The following RHCG variants were observed in gnomAD, a reference collection of about 807,000 sequenced individuals.
The protein encoded by RHCG is Rh family C glycoprotein, also known as ammonium transporter Rh type C.
Under a neutral mutation model 55.3 loss-of-function variants are expected in RHCG, and 39 were observed. That is an observed-to-expected ratio of 0.70 (90% CI 0.55 to 0.92). RHCG has a LOEUF of 0.92. RHCG is among the 40% of genes least tolerant of loss of function. The pLI is 0.00. For missense variants in RHCG, 635 were observed against 627.9 expected (o/e 1.01, Z -0.12); for synonymous variants, 250 against 246.8 (o/e 1.01, Z -0.12).
At chr15:89,483,492 G>C (rs554070988) in intron 2 of RHCG, among the ~76,000 whole-genome samples, 1 of 152,164 alleles carries the variant, frequency 6.6e-6, no homozygotes, top group South Asian at 2.1e-4. Context: ...TTGGGCTCAG[G>C]GCACCATGTG....
chr15:89,480,184 C>T, intron 4 of RHCG, 77 bp downstream of exon 4: 9 of 1,578,632 alleles, frequency 5.7e-6, no homozygotes, highest in South Asian at 4.5e-5. Context: ...GTGGCCTTCA[C>T]CCATCATGGC....
Position 89,477,730 on chromosome 15 carries a change from A to G in RHCG, c.976-77T>C, listed in dbSNP as rs990176542. On this transcript the variant is annotated intron_variant, in intron 6 of 10. Transcript: ENST00000268122. The surrounding 1 kb of genome is among the most constrained non-coding windows in gnomAD (Gnocchi z 4.5). ...GGGGAGGCCGGGATTCCAGAGACCC[A>G]GGATTCTCTAGCCCTCAGCCCCCTC... The G allele has an allele frequency of 3.1e-6, 5 of 1,603,476 alleles. No individual in the cohort carries two copies. The highest frequency in any genetic ancestry group is 2.7e-5 in the African/African-American group (2 of 74,662).
chr15:89,479,800 C>G, intron 4 of RHCG: 1 of 416,768 alleles, frequency 2.4e-6, no homozygotes. Context: ...CTCCACATGG[C>G]ACTGCTTTCT....
At chr15:89,476,011 C>T (rs1313209111) in intron 9 of RHCG, among the ~76,000 whole-genome samples, 13 of 132,984 alleles carry the variant, frequency 9.8e-5, no homozygotes, top group African/African-American at 4.6e-4. Context: ...CTCTTGCTCT[C>T]GCTCTCTCTC....
intron 3 of RHCG, 118 bp downstream of exon 3, chr15:89,482,949 G>A (rs893524853): frequency 3.9e-6 from 4 of 1,022,322 alleles, no homozygotes; most frequent in East Asian, 2.6e-5. Context: ...ACTGAGTGAC[G>A]TTCAGGAAGT....
intron 2 of RHCG, 73 bp from the exon 3 acceptor site, chr15:89,483,290 C>A: frequency 2.2e-6 from 3 of 1,387,000 alleles, no homozygotes; most frequent in South Asian, 3.2e-5. Context: ...GGACTTTGGT[C>A]ATATATGGAT....
intron 9 of RHCG, among the ~76,000 whole-genome samples, chr15:89,473,115 G>A (rs1486091180): frequency 6.6e-6 from 1 of 152,230 alleles, no homozygotes; most frequent in Non-Finnish European, 1.5e-5. Context: ...GAGCAATGGT[G>A]AGGCATTGCA....
chr15:89,471,711 C>T lies in RHCG; in HGVS notation c.*169G>A. The T allele has an allele frequency of 6.5e-6, 1 of 153,042 alleles. No homozygotes were observed. Among genetic ancestry groups the T allele is most frequent in the Non-Finnish European group, 1.5e-5 (1 of 68,220 alleles). The allele number at this position is 153,042 out of a possible 1,614,324, so 9.5% of individuals were successfully genotyped here. On this transcript the variant is annotated 3_prime_UTR_variant, in exon 11 of 11. Transcript: ENST00000268122. The stretch of plus-strand genomic sequence containing the variant: ...TTTGTAGCTTCTCCTTCTCCATTCT[C>T]AGTCAGACCCCCTGGGATGAAGGGG...
At chr15:89,485,877 G>A (rs575066838) in intron 2 of RHCG, among the ~76,000 whole-genome samples, 7 of 152,346 alleles carry the variant, frequency 4.6e-5, no homozygotes, top group African/African-American at 1.7e-4. Flanking sequence ...ATGGGATAGA[G>A]AGTTTGATAA....
rs981310614 is a variant in RHCG at position 89,477,294 on chromosome 15, C to G, written c.1113-88G>C. 1.3e-5 allele frequency: 20 copies of G among 1,552,662 alleles called. No individual in the cohort carries two copies. Among genetic ancestry groups the G allele is most frequent in the Non-Finnish European group, 1.6e-5 (18 of 1,136,526 alleles). On this transcript the variant is annotated intron_variant, in intron 7 of 10. Transcript: ENST00000268122. The surrounding 1 kb of genome is among the most constrained non-coding windows in gnomAD (Gnocchi z 4.5). ...ACCCCAAAAATGTGACCGGGTACCA[C>G]GGGCCTCAGCCTTCCCACCCACAAC...
chr15:89,472,139 A>G (rs1320106355), intron 10 of RHCG, among the ~76,000 whole-genome samples: 3 of 152,216 alleles, frequency 2.0e-5, no homozygotes, highest in African/African-American at 2.4e-5. Flanking sequence ...GTGATCTTGA[A>G]GAACCTGAAC....
intron 3 of RHCG, among the ~76,000 whole-genome samples, chr15:89,481,189 C>T (rs1420770354): frequency 2.0e-5 from 3 of 152,212 alleles, no homozygotes; most frequent in Non-Finnish European, 4.4e-5. Flanking sequence ...GTGGCTCATG[C>T]CTGTAATCCC....
intron 8 of RHCG, 44 bp from the exon 9 acceptor site, chr15:89,476,872 C>T (rs771337130): frequency 8.3e-6 from 13 of 1,575,166 alleles, no homozygotes; most frequent in Non-Finnish European, 9.6e-6. Context: ...AGTGCCTTCT[C>T]TCTGCTCACC....
At chr15:89,494,898 C>A (rs1961538722) in intron 1 of RHCG, among the ~76,000 whole-genome samples, 2 of 151,912 alleles carry the variant, frequency 1.3e-5, no homozygotes, top group Non-Finnish European at 2.9e-5. Context: ...GCTCTGGGGT[C>A]AAGTGGGAAG....
chr15:89,482,379 T>A (rs1961283579), intron 3 of RHCG, among the ~76,000 whole-genome samples: 1 of 151,846 alleles, frequency 6.6e-6, no homozygotes, highest in South Asian at 2.1e-4. Context: ...CTGAAAAAAA[T>A]TACAAAATGA....
intron 1 of RHCG, among the ~76,000 whole-genome samples, chr15:89,488,775 G>T (rs541955776): frequency 1.7e-5 from 1 of 60,272 alleles, no homozygotes; most frequent in Admixed American, 1.7e-4. Flanking sequence ...TGGGAGAATG[G>T]GGGGGGGGGA....
Position 89,477,461 on chromosome 15 carries a change from A to G in RHCG, c.1112+56T>C. On this transcript the variant is annotated intron_variant, in intron 7 of 10. Transcript: ENST00000268122. This position sits in a 1 kb window ranked among gnomAD's most constrained non-coding sequence, Gnocchi z 4.5. ...GGGTCCCAGAGGAATAGCAGGAAGAAGGGATGGGAGAAGGAAGGGGGAAGC... is the reference window on the plus strand; with the variant it reads ...GGGTCCCAGAGGAATAGCAGGAAGAGGGGATGGGAGAAGGAAGGGGGAAGC... The G allele has an allele frequency of 6.2e-7, 1 of 1,600,930 alleles. No individual in the cohort carries two copies. Among genetic ancestry groups the G allele is most frequent in the African/African-American group, 1.3e-5 (1 of 74,838 alleles).
chr15:89,489,705 C>T (rs1288341412), intron 1 of RHCG, among the ~76,000 whole-genome samples: 1 of 152,140 alleles, frequency 6.6e-6, no homozygotes. Flanking sequence ...GGTGTCCCTG[C>T]CACTTGGGAT....
At chr15:89,480,148 G>A in intron 4 of RHCG, 113 bp downstream of exon 4, 2 of 1,413,402 alleles carry the variant, frequency 1.4e-6, no homozygotes, top group Non-Finnish European at 2.0e-6. Flanking sequence ...GATCAGGTCT[G>A]ATCATGGTGG....
Sources: allele counts gnomAD v4.1 joint callset (sites outside exome capture counted in the v4.1 genomes callset), GRCh38; gene constraint gnomAD v4.1.1; non-coding constraint Gnocchi (gnomAD v3.1); transcripts MANE v1.5; gene names NCBI Gene and HGNC (gene_info 2026-07-23, HGNC 2026-07-21).